The following DMTF1 variants were observed in gnomAD, a reference collection of about 807,000 sequenced individuals.
DMTF1 encodes the protein cyclin D binding myb like transcription factor 1.
DMTF1 carries 39 observed loss-of-function variants against 91.1 expected under a neutral mutation model. The observed-to-expected ratio is 0.43, with a 90% CI of 0.33 to 0.56. The LOEUF (loss-of-function observed/expected upper bound fraction) is 0.56. Ranked by LOEUF, DMTF1 falls within the 20% of genes least tolerant of loss-of-function variation. DMTF1 has a pLI of 0.05. For missense variants in DMTF1, 750 were observed against 914.5 expected (o/e 0.82, Z 2.32); for synonymous variants, 338 against 309.5 (o/e 1.09, Z -0.97).
chr7:87,191,634 T>C (rs1253442820), intron 14 of DMTF1, among the ~76,000 whole-genome samples: 3 of 152,142 alleles, frequency 2.0e-5, no homozygotes, highest in South Asian at 4.1e-4. Context: ...TGGTACAACA[T>C]TGATGAACCT....
At chr7:87,188,913 A>G (rs1799101414) in intron 13 of DMTF1, among the ~76,000 whole-genome samples, 5 of 152,194 alleles carry the variant, frequency 3.3e-5, no homozygotes, top group Admixed American at 1.3e-4. Context: ...GTCTTGAATT[A>G]TAGTGACAAA....
chr7:87,193,057 C>T (rs948160143), intron 14 of DMTF1, 141 bp from the exon 15 acceptor site: 9 of 775,582 alleles, frequency 1.2e-5, no homozygotes, highest in South Asian at 3.6e-5. Context: ...TGACTTGAGA[C>T]GATTATGCCC....
Position 87,182,286 on chromosome 7 carries a change from G to T in DMTF1, c.769G>T (p.Ala257Ser). Residue 257 changes from alanine (A) to serine (S), a missense_variant, in exon 10 of 18, where the codon GCA becomes TCA. Physicochemically the swap from Ala to Ser is moderately conservative, Grantham distance 99. Around this residue, in one of 3 missense-constraint regions of DMTF1, gnomAD observed 190 missense variants for 343.8 expected, o/e 0.55. Coordinates refer to ENST00000331242, the MANE Select transcript of DMTF1 (RefSeq NM_001142327.2). ...AATAGGGGCGGCGCTAGGAAGAAGT[G>T]CATCTTCTGTCAAAGATCGGTGCCG... ...ATIGAALGRS[A>S]SSVKDRCRLM... 1 of 1,614,126 alleles carries T rather than the reference G, an allele frequency of 6.2e-7. No homozygotes were observed. Among genetic ancestry groups the T allele is most frequent in the Non-Finnish European group, 8.5e-7 (1 of 1,179,986 alleles).
chr7:87,190,647 C>T (rs1033549254), intron 13 of DMTF1, among the ~76,000 whole-genome samples: 21 of 152,022 alleles, frequency 1.4e-4, no homozygotes, highest in African/African-American at 4.6e-4. Flanking sequence ...GCTAAAGTAA[C>T]CACAGAAAAT....
At position 87,184,563 on chromosome 7, in the gene DMTF1, G is replaced by A; in HGVS notation, c.987G>A (p.Leu329=). 1 of 1,614,006 alleles carries A rather than the reference G, an allele frequency of 6.2e-7. No individual in the cohort carries two copies. The highest frequency in any genetic ancestry group is 8.5e-7 in the Non-Finnish European group (1 of 1,179,932). The part of the protein sequence containing the change: ...KQCRSKWLNY[L]NWKQSGGTEW... ...GTCGTTCTAAATGGCTCAACTACCT[G>A]AATTGGAAACAGAGTGGGGGTACTG... is the stretch of plus-strand genomic sequence containing the variant. The change falls in exon 11 of 18, where the codon CTG becomes CTA. Residue 329 remains leucine, a synonymous_variant. Coordinates refer to ENST00000331242, the MANE Select transcript of DMTF1 (RefSeq NM_001142327.2).
At chr7:87,177,252 A>C (rs957123675) in intron 7 of DMTF1, among the ~76,000 whole-genome samples, 3 of 152,082 alleles carry the variant, frequency 2.0e-5, no homozygotes, top group Non-Finnish European at 4.4e-5. Flanking sequence ...TCATTGTGCA[A>C]ATGTGCAAGT....
At chr7:87,189,907 T>C (rs757641986) in intron 13 of DMTF1, among the ~76,000 whole-genome samples, 57 of 152,132 alleles carry the variant, frequency 3.7e-4, no homozygotes, top group Non-Finnish European at 5.7e-4. Context: ...TGTGATCTTA[T>C]GGATCCATCA....
intron 14 of DMTF1, 97 bp from the exon 15 acceptor site, chr7:87,193,101 G>A (rs1800264372): frequency 7.7e-7 from 1 of 1,303,580 alleles, no homozygotes; most frequent in Non-Finnish European, 1.1e-6. Context: ...CTTCACAATG[G>A]GTAAGTACAT....
At chr7:87,190,172 T>G (rs1799421079) in intron 13 of DMTF1, among the ~76,000 whole-genome samples, 1 of 152,092 alleles carries the variant, frequency 6.6e-6, no homozygotes, top group Non-Finnish European at 1.5e-5. Flanking sequence ...TTGACACACA[T>G]GTAAAGACAT....
At chr7:87,171,351 C>T (rs1449806968) in intron 5 of DMTF1, among the ~76,000 whole-genome samples, 2 of 152,138 alleles carry the variant, frequency 1.3e-5, no homozygotes, top group Non-Finnish European at 2.9e-5. Context: ...ATAATAATTT[C>T]TAGTATTTGT....
At chr7:87,155,326 G>A (rs1790390813) in intron 1 of DMTF1, 1 of 152,030 alleles carries the variant, frequency 6.6e-6, no homozygotes, top group Non-Finnish European at 1.5e-5. Flanking sequence ...CACTGAGGTG[G>A]TGTTCTGCCT....
intron 10 of DMTF1, among the ~76,000 whole-genome samples, chr7:87,183,383 G>A (rs926285019): frequency 3.3e-5 from 5 of 152,154 alleles, no homozygotes; most frequent in Non-Finnish European, 7.4e-5. Flanking sequence ...GGACACAGTG[G>A]CATTTCCTGA....
Position 87,155,884 on chromosome 7 carries a change from A to G in DMTF1, c.-132+3329A>G, listed in dbSNP as rs201131920. 4.6e-5 allele frequency among the ~76,000 whole-genome samples: 7 copies of G among 152,242 alleles called. No homozygotes were observed. In the East Asian group the frequency reaches 1.4e-3, roughly 29 times the overall value. ...TTTCATATATTTAAATGTCATTTTGATTATGTACACTGTTAGGTCATTCTT... is the reference window on the plus strand; with the variant it reads ...TTTCATATATTTAAATGTCATTTTGGTTATGTACACTGTTAGGTCATTCTT... On this transcript the variant is annotated intron_variant, in intron 1 of 17. Coordinates refer to ENST00000331242, the MANE Select transcript of DMTF1 (RefSeq NM_001142327.2).
rs538138420 is a variant in DMTF1, at chr7:87,166,861, T to TA, written c.232+256_232+257insA. Among the ~76,000 whole-genome samples, 23 of 152,330 alleles carry TA rather than the reference T, an allele frequency of 1.5e-4. No homozygotes were observed. In the East Asian group the frequency reaches 4.4e-3, roughly 29 times the overall value. On this transcript the variant is annotated intron_variant, in intron 4 of 17. Transcript: ENST00000331242. ...CACAAGGAGCCTTTTTAGACTTTTA[T>TA]TCCTGATTGTGCTTTTCATGAAAAT... is the stretch of plus-strand genomic sequence containing the variant.
At chr7:87,152,929 A>T (rs1468453565) in intron 1 of DMTF1, 1 of 154,650 alleles carries the variant, frequency 6.5e-6, no homozygotes, top group Middle Eastern at 5.2e-4. Flanking sequence ...GAACTGGGCC[A>T]GAAGGAGTGG....
intron 1 of DMTF1, among the ~76,000 whole-genome samples, chr7:87,159,173 A>G (rs912237307): frequency 3.9e-5 from 6 of 152,172 alleles, no homozygotes; most frequent in Non-Finnish European, 8.8e-5. Flanking sequence ...ATATAACTAC[A>G]TTTGTCAGGC....
chr7:87,174,814 A>G, intron 7 of DMTF1, 145 bp downstream of exon 7: 1 of 508,374 alleles, frequency 2.0e-6, no homozygotes, highest in Non-Finnish European at 3.5e-6. Flanking sequence ...GTAGCTGAAT[A>G]ATTCTAAAAT....
chr7:87,186,183 A>C, intron 12 of DMTF1: 1 of 553,790 alleles, frequency 1.8e-6, no homozygotes, highest in Non-Finnish European at 3.2e-6. Context: ...CCCTAAAATG[A>C]AAATGTACAC....
intron 1 of DMTF1, among the ~76,000 whole-genome samples, chr7:87,161,886 A>T (rs954486152): frequency 2.0e-5 from 3 of 152,336 alleles, no homozygotes; most frequent in East Asian, 3.9e-4. Flanking sequence ...AATTTGTGCA[A>T]TTTTTTGGGA....
Sources: allele counts gnomAD v4.1 joint callset (sites outside exome capture counted in the v4.1 genomes callset), GRCh38; gene constraint gnomAD v4.1.1; regional missense constraint gnomAD v4.1.1; transcripts MANE v1.5; gene names NCBI Gene and HGNC (gene_info 2026-07-23, HGNC 2026-07-21).